Variants in PSD3 observed in about 807,000 individuals in gnomAD.
PSD3 encodes the protein PH and SEC7 domain-containing protein 3.
A neutral mutation model predicts 105.5 loss-of-function variants in PSD3; 49 were observed. The ratio of observed to expected loss-of-function variants is 0.46; its 90% CI spans 0.37 to 0.59. The LOEUF (loss-of-function observed/expected upper bound fraction) is 0.59. Ranked by LOEUF, PSD3 falls within the 20% of genes least tolerant of loss-of-function variation. PSD3 has a pLI of 0.00. For synonymous variants in PSD3, 557 were observed against 457.8 expected, an observed-to-expected ratio of 1.22 and a Z score of -2.77; for missense variants, 1,561 against 1,263.8, an observed-to-expected ratio of 1.24 and a Z score of -3.57.
At chr8:18,798,112 C>T (rs1306436373) in intron 8 of PSD3, among the ~76,000 whole-genome samples, 2 of 152,228 alleles carry the variant, frequency 1.3e-5, no homozygotes, top group South Asian at 4.1e-4. Context: ...CATTAGATTG[C>T]GGTAGTCATG....
intron 9 of PSD3, among the ~76,000 whole-genome samples, chr8:18,710,873 G>A (rs1802210025): frequency 1.3e-5 from 2 of 152,076 alleles, no homozygotes; most frequent in South Asian, 4.2e-4. Context: ...GTAGAGATTG[G>A]GTTTCACCAT....
chr8:19,034,465 C>T (rs1173699450), intron 1 of PSD3, among the ~76,000 whole-genome samples: 4 of 152,108 alleles, frequency 2.6e-5, no homozygotes, highest in Non-Finnish European at 5.9e-5. Context: ...CATTACTTCC[C>T]GTGCCAGAGA....
At chr8:18,755,154 T>G (rs1437980722) in intron 9 of PSD3, among the ~76,000 whole-genome samples, 1 of 152,082 alleles carries the variant, frequency 6.6e-6, no homozygotes, top group Non-Finnish European at 1.5e-5. Context: ...CAAGGCCGGG[T>G]GCAGCAGCTC....
chr8:19,038,994 A>G (rs144142009), intron 1 of PSD3, among the ~76,000 whole-genome samples: 213 of 152,136 alleles, frequency 1.4e-3, no homozygotes, highest in Non-Finnish European at 2.5e-3. Flanking sequence ...AGGCAGTTCA[A>G]CTCCAGAGCT....
intron 10 of PSD3, among the ~76,000 whole-genome samples, chr8:18,648,465 G>T (rs1486840568): frequency 6.6e-6 from 1 of 152,214 alleles, no homozygotes; most frequent in Non-Finnish European, 1.5e-5. Context: ...TCTGGCAGAA[G>T]AAATTTCTAA....
chr8:18,869,190 C>CCT (rs1554526390), intron 3 of PSD3, among the ~76,000 whole-genome samples: 1 of 119,790 alleles, frequency 8.3e-6, no homozygotes, highest in African/African-American at 3.2e-5. Context: ...CTCTCCCCTG[C>CCT]TTTTTTTTTT....
chr8:18,888,011 G>A (rs772481272), intron 2 of PSD3, among the ~76,000 whole-genome samples: 2 of 152,154 alleles, frequency 1.3e-5, no homozygotes, highest in East Asian at 1.9e-4. Context: ...CACGGCTAAC[G>A]CTGGCACAAC....
intron 1 of PSD3, among the ~76,000 whole-genome samples, chr8:19,055,210 G>T (rs1009183442): frequency 6.6e-6 from 1 of 152,158 alleles, no homozygotes; most frequent in Non-Finnish European, 1.5e-5. Flanking sequence ...TACCCAAGAG[G>T]CAGTTCATAC....
chr8:18,749,811 C>T lies in PSD3; in HGVS notation c.2172+15638G>A, dbSNP rs574732349. 3.2e-4 allele frequency among the ~76,000 whole-genome samples: 48 copies of T among 152,162 alleles called. 1 individual carries two copies. Among genetic ancestry groups the T allele is most frequent in the African/African-American group, 1.1e-3 (47 of 41,510 alleles). On this transcript the variant is annotated intron_variant, in intron 9 of 15. Coordinates refer to ENST00000327040, the MANE Select transcript of PSD3 (RefSeq NM_015310.4). ...CCACACGCAAAGGACTAAAGGTGACCGCTAGAAGCTGAGGAGGACCCCTGG... is the reference window on the plus strand; with the variant it reads ...CCACACGCAAAGGACTAAAGGTGACTGCTAGAAGCTGAGGAGGACCCCTGG...
Position 18,848,854 on chromosome 8 carries a change from A to C in PSD3, c.1634+18820T>G, listed in dbSNP as rs577665321. 2.6e-5 allele frequency among the ~76,000 whole-genome samples: 4 copies of C among 152,330 alleles called. No individual in the cohort carries two copies. In the East Asian group the frequency reaches 7.7e-4, roughly 29 times the overall value. On this transcript the variant is annotated intron_variant, in intron 4 of 15. Transcript: ENST00000327040. ...GTCATACAAAAATGTGGCAACTGCCATTCTTTGGCTACATTTCAAGCGGAT... is the reference window on the plus strand; with the variant it reads ...GTCATACAAAAATGTGGCAACTGCCCTTCTTTGGCTACATTTCAAGCGGAT...
At chr8:18,790,508 T>C (rs961576147) in intron 8 of PSD3, among the ~76,000 whole-genome samples, 5 of 152,034 alleles carry the variant, frequency 3.3e-5, no homozygotes, top group Admixed American at 6.6e-5. Flanking sequence ...TTCACCATGT[T>C]AGCCAGGATG....
chr8:19,022,773 C>G (rs1401068698), intron 1 of PSD3, among the ~76,000 whole-genome samples: 1 of 152,004 alleles, frequency 6.6e-6, no homozygotes, highest in Non-Finnish European at 1.5e-5. Flanking sequence ...TCATCACCAT[C>G]TCCTCATGTT....
At chr8:18,615,894 T>C (rs184533050) in intron 11 of PSD3, among the ~76,000 whole-genome samples, 155 of 152,196 alleles carry the variant, frequency 1.0e-3, no homozygotes, top group African/African-American at 3.6e-3. Flanking sequence ...GCTATTGTAA[T>C]TGTAAAACAG....
intron 4 of PSD3, among the ~76,000 whole-genome samples, chr8:18,838,793 C>G (rs923189314): frequency 1.4e-5 from 2 of 143,966 alleles, no homozygotes; most frequent in Non-Finnish European, 3.0e-5. Context: ...CAGAGCGAGA[C>G]TCCGTCTCAA....
intron 9 of PSD3, among the ~76,000 whole-genome samples, chr8:18,681,964 G>A (rs1800413175): frequency 6.6e-6 from 1 of 150,736 alleles, no homozygotes; most frequent in East Asian, 2.0e-4. Flanking sequence ...TCTACCAGTG[G>A]CCTTTTATAC....
At chr8:18,860,781 C>T (rs1816379869) in intron 4 of PSD3, among the ~76,000 whole-genome samples, 1 of 152,130 alleles carries the variant, frequency 6.6e-6, no homozygotes, top group East Asian at 1.9e-4. Flanking sequence ...AAATATTGTA[C>T]TGATATATGA....
intron 15 of PSD3, among the ~76,000 whole-genome samples, chr8:18,551,023 T>A (rs1800737425): frequency 6.6e-6 from 1 of 152,220 alleles, no homozygotes; most frequent in Non-Finnish European, 1.5e-5. Flanking sequence ...ATAATGGCTA[T>A]CTTTGCACTT....
At chr8:18,892,192 C>CACACACAA (rs1406442031) in intron 2 of PSD3, among the ~76,000 whole-genome samples, 1 of 150,616 alleles carries the variant, frequency 6.6e-6, no homozygotes, top group South Asian at 2.1e-4. Context: ...CACACACACA[C>CACACACAA]AAACTTTATT....
chr8:18,936,890 T>C (rs766295675), intron 1 of PSD3, among the ~76,000 whole-genome samples: 36 of 152,166 alleles, frequency 2.4e-4, no homozygotes, highest in Non-Finnish European at 4.4e-5. Context: ...AAAAAACCAG[T>C]CTTTCCCCAA....
Sources: allele counts gnomAD v4.1 joint callset (sites outside exome capture counted in the v4.1 genomes callset), GRCh38; gene constraint gnomAD v4.1.1; transcripts MANE v1.5; gene names NCBI Gene and HGNC (gene_info 2026-07-23, HGNC 2026-07-21).